CCNT2: variants seen among roughly 807,000 people sequenced by gnomAD.
CCNT2 encodes cyclin-T2.
CCNT2 carries 18 observed loss-of-function variants against 70.0 expected under a neutral mutation model. The ratio of observed to expected loss-of-function variants is 0.26; its 90% confidence interval spans 0.18 to 0.38. The LOEUF (loss-of-function observed/expected upper bound fraction) is 0.38, where lower values mean the gene tolerates loss of function less well. Ranked by LOEUF, CCNT2 falls within the 10% of genes least tolerant of loss-of-function variation. The pLI, the probability that CCNT2 is intolerant of heterozygous loss-of-function variation, is 1.00. For missense variants in CCNT2, 734 were observed against 890.2 expected (o/e 0.82, Z 2.23); for synonymous variants, 334 against 313.3 (o/e 1.07, Z -0.70).
intron 2 of CCNT2, among the ~76,000 whole-genome samples, chr2:134,922,355 A>C (rs1041849208): frequency 4.6e-5 from 7 of 152,214 alleles, no homozygotes; most frequent in African/African-American, 7.2e-5. Flanking sequence ...CAGGTGACTT[A>C]ATTGTATTTT....
chr2:134,928,201 ATC>A (rs1203065473), intron 2 of CCNT2, among the ~76,000 whole-genome samples: 1 of 151,296 alleles, frequency 6.6e-6, no homozygotes, highest in East Asian at 1.9e-4. Flanking sequence ...ACCTCAGGTA[ATC>A]CACCTGCATT....
chr2:134,936,728 TG>T, intron 2 of CCNT2, 112 bp from the exon 3 acceptor site: 1 of 838,720 alleles, frequency 1.2e-6, no homozygotes, highest in Non-Finnish European at 1.8e-6. Context: ...CACTCCAGCC[TG>T]GGCAACAGGA....
intron 2 of CCNT2, among the ~76,000 whole-genome samples, chr2:134,921,264 G>T (rs1055406312): frequency 6.6e-6 from 1 of 152,076 alleles, no homozygotes; most frequent in African/African-American, 2.4e-5. Flanking sequence ...TCTTTATATG[G>T]CTACAGATGT....
At chr2:134,943,183 T>C in intron 5 of CCNT2, 3 of 761,586 alleles carry the variant, frequency 3.9e-6, no homozygotes, top group Non-Finnish European at 4.8e-6. Context: ...GGCTGATCGC[T>C]TGAGCTCAGG....
intron 4 of CCNT2, among the ~76,000 whole-genome samples, chr2:134,941,015 T>C (rs1164575845): frequency 6.6e-6 from 1 of 152,182 alleles, no homozygotes; most frequent in Non-Finnish European, 1.5e-5. Context: ...TTGCACTTTA[T>C]CTCATATTGA....
chr2:134,952,654 G>T lies in CCNT2; in HGVS notation c.717G>T (p.Glu239Asp). The part of the protein sequence containing the change: ...TLELLDELTH[E>D]FLQILEKTPN... Reference sequence around the variant, plus strand: ...TTTTATTTTTAGAGCTAACACATGAGTTTCTACAAATATTGGAGAAAACGC... The same window carrying T: ...TTTTATTTTTAGAGCTAACACATGATTTTCTACAAATATTGGAGAAAACGC... Residue 239 changes from glutamate to aspartate, a missense_variant, in exon 8 of 9, where the codon GAG becomes GAT. By Grantham distance (45) the Glu-to-Asp change is conservative. Coordinates refer to ENST00000264157, the MANE Select transcript of CCNT2 (RefSeq NM_058241.3). The T allele has an allele frequency of 6.3e-7, 1 of 1,592,272 alleles. No homozygotes were observed. Among genetic ancestry groups the T allele is most frequent in the Non-Finnish European group, 8.5e-7 (1 of 1,169,612 alleles).
At chr2:134,944,786 C>T in intron 5 of CCNT2, 2 of 985,366 alleles carry the variant, frequency 2.0e-6, no homozygotes, top group Non-Finnish European at 2.4e-6. Flanking sequence ...CAACTTTTAG[C>T]TAACAGCATT....
chr2:134,934,417 T>C (rs1314556166), intron 2 of CCNT2, among the ~76,000 whole-genome samples: 3 of 152,348 alleles, frequency 2.0e-5, no homozygotes, highest in Non-Finnish European at 4.4e-5. Flanking sequence ...TTCAAAAGTA[T>C]GCTCACCTTT....
At chr2:134,928,779 G>C (rs1680502095) in intron 2 of CCNT2, among the ~76,000 whole-genome samples, 1 of 152,036 alleles carries the variant, frequency 6.6e-6, no homozygotes, top group Admixed American at 6.5e-5. Flanking sequence ...AAAATCGGAA[G>C]ATAATGAAAC....
chr2:134,922,545 T>G (rs1679988783), intron 2 of CCNT2, among the ~76,000 whole-genome samples: 1 of 152,196 alleles, frequency 6.6e-6, no homozygotes, highest in South Asian at 2.1e-4. Context: ...CTTTTATATG[T>G]AGCCTAATTA....
At chr2:134,925,296 C>T (rs2105017170) in intron 2 of CCNT2, among the ~76,000 whole-genome samples, 1 of 152,214 alleles carries the variant, frequency 6.6e-6, no homozygotes, top group African/African-American at 2.4e-5. Context: ...AGGATAATTA[C>T]TGGATTTTTG....
In CCNT2 at chr2:134,959,282, C is replaced by T. The variant is rs1190503329; in HGVS notation, c.*4634C>T. 1.1e-4 allele frequency: 16 copies of T among 152,014 alleles called. No individual in the cohort carries two copies. The highest frequency in any genetic ancestry group is 1.0e-3 in the Admixed American group (16 of 15,268). 9.4% of individuals were successfully genotyped at this position (152,014 alleles called of 1,614,324 possible). On this transcript the variant is annotated 3_prime_UTR_variant, in exon 9 of 9. Coordinates refer to ENST00000264157, the MANE Select transcript of CCNT2 (RefSeq NM_058241.3). ...ATATGTGTATATGGCATGAATTAGTCATTGACTTTAAGCTTCTTATCCATA... is the reference window on the plus strand; with the variant it reads ...ATATGTGTATATGGCATGAATTAGTTATTGACTTTAAGCTTCTTATCCATA...
chr2:134,923,253 C>A (rs1680046456), intron 2 of CCNT2, among the ~76,000 whole-genome samples: 1 of 152,110 alleles, frequency 6.6e-6, no homozygotes, highest in African/African-American at 2.4e-5. Flanking sequence ...TGCACTCCAA[C>A]CTGGGCAACA....
chr2:134,949,163 G>A (rs1413203847), intron 7 of CCNT2, among the ~76,000 whole-genome samples: 1 of 152,180 alleles, frequency 6.6e-6, no homozygotes. Context: ...TGGGACCATA[G>A]GCGCATGCCA....
intron 2 of CCNT2, 70 bp downstream of exon 2, chr2:134,919,961 G>C (rs1275856975): frequency 7.7e-6 from 8 of 1,043,160 alleles, no homozygotes; most frequent in Non-Finnish European, 1.2e-5. Context: ...AAAAAAGTTG[G>C]TCATTGCGTT....
chr2:134,939,224 GA>G (rs1559101932), intron 4 of CCNT2, among the ~76,000 whole-genome samples, 162 bp downstream of exon 4: 2 of 152,112 alleles, frequency 1.3e-5, no homozygotes, highest in African/African-American at 4.8e-5. Flanking sequence ...TACTTTTCTA[GA>G]ATTTAATTTC....
At chr2:134,945,922 ATGT>A (rs1681926240) in intron 5 of CCNT2, 176 bp from the exon 6 acceptor site, 4 of 1,530,670 alleles carry the variant, frequency 2.6e-6, no homozygotes, top group Non-Finnish European at 3.5e-6. Context: ...ATTTGAGTGA[ATGT>A]TGTTGAAGAT....
At position 134,958,049 on chromosome 2, in the gene CCNT2, G is replaced by C. The variant is rs1352867323; in HGVS notation, c.*3401G>C. The C allele has an allele frequency of 6.6e-6, 1 of 152,108 alleles. No individual in the cohort carries two copies. The highest frequency in any genetic ancestry group is 1.5e-5 in the Non-Finnish European group (1 of 68,008). 9.4% of individuals were successfully genotyped at this position (152,108 alleles called of 1,614,324 possible). A position where few individuals can be genotyped will look rare whatever the true frequency, so the allele number is the denominator to read the frequency against. On this transcript the variant is annotated 3_prime_UTR_variant, in exon 9 of 9. Transcript: ENST00000264157. ...CAAGCACATTTTCTTTTCTATTTGA[G>C]AACTTAAATTGCTGACTTGTATTCG...
Position 134,953,624 on chromosome 2 carries a change from A to G in CCNT2, c.1169A>G (p.His390Arg), listed in dbSNP as rs779116750. The change falls in exon 9 of 9, where the codon CAT becomes CGT. Residue 390 changes from histidine (H) to arginine (R), a missense_variant. Physicochemically the swap from His to Arg is conservative, Grantham distance 29. This residue lies in a region of CCNT2 where 532 missense variants were observed against 556.9 expected (regional missense o/e 0.96). Coordinates refer to ENST00000264157, the MANE Select transcript of CCNT2 (RefSeq NM_058241.3). Reference protein sequence around the residue: ...NFQQGPSISLHSGLHHRPDKI... With the variant: ...NFQQGPSISLRSGLHHRPDKI... Reference sequence around the variant, plus strand: ...CAGCAGGGACCTTCTATATCACTGCATTCAGGATTACATCACAGACCTGAC... The same window carrying G: ...CAGCAGGGACCTTCTATATCACTGCGTTCAGGATTACATCACAGACCTGAC... 1.9e-6 allele frequency: 3 copies of G among 1,614,136 alleles called. No individual in the cohort carries two copies. The highest frequency in any genetic ancestry group is 2.2e-5 in the East Asian group (1 of 44,886).
Sources: gnomAD v4.1 joint callset for allele counts (sites outside exome capture counted in the v4.1 genomes callset) on GRCh38, gnomAD v4.1.1 for gene constraint, gnomAD v4.1.1 regional missense constraint, MANE v1.5 for transcripts, NCBI Gene and HGNC (gene_info 2026-07-23, HGNC 2026-07-21) for gene names.